FBXW4: variants seen among roughly 807,000 people sequenced by gnomAD.
The protein encoded by FBXW4 is F-box/WD repeat-containing protein 4.
FBXW4 carries 40 observed loss-of-function variants against 61.8 expected under a neutral mutation model. The ratio of observed to expected loss-of-function variants is 0.65; its 90% CI spans 0.50 to 0.84. The LOEUF (loss-of-function observed/expected upper bound fraction) is 0.84, where lower values mean the gene tolerates loss of function less well. Ranked by LOEUF, FBXW4 falls within the 40% of genes least tolerant of loss-of-function variation. The pLI is 0.00. For synonymous variants in FBXW4, 311 were observed against 313.8 expected (o/e 0.99, Z 0.10); for missense variants, 672 against 753.8 (o/e 0.89, Z 1.27).
At chr10:101,693,100 G>C (rs1446417541) in intron 1 of FBXW4, among the ~76,000 whole-genome samples, 1 of 152,278 alleles carries the variant, frequency 6.6e-6, no homozygotes, top group Non-Finnish European at 1.5e-5. Context: ...AGTGGTAAAA[G>C]AGATGCAAAA....
intron 1 of FBXW4, among the ~76,000 whole-genome samples, chr10:101,682,502 A>G (rs2064488930): frequency 6.6e-6 from 1 of 152,238 alleles, no homozygotes; most frequent in African/African-American, 2.4e-5. Context: ...TTACAGTTAT[A>G]TCTCTTCTCT....
intron 5 of FBXW4, among the ~76,000 whole-genome samples, chr10:101,632,182 C>G (rs541189221): frequency 6.6e-6 from 1 of 152,164 alleles, no homozygotes; most frequent in East Asian, 1.9e-4. Flanking sequence ...TGGGACACCT[C>G]TCCCAGTACA....
chr10:101,640,632 C>A (rs1283034972), intron 5 of FBXW4, among the ~76,000 whole-genome samples: 1 of 150,192 alleles, frequency 6.7e-6, no homozygotes, highest in Non-Finnish European at 1.5e-5. Context: ...GATGGGATTA[C>A]AGGCATGTGC....
intron 5 of FBXW4, among the ~76,000 whole-genome samples, chr10:101,661,721 A>AG (rs1375325274): frequency 1.3e-5 from 2 of 152,258 alleles, no homozygotes; most frequent in East Asian, 3.9e-4. Context: ...AGTTTCGCAA[A>AG]GGGGGACACC....
At chr10:101,621,319 G>A (rs770924022) in intron 6 of FBXW4, among the ~76,000 whole-genome samples, 4 of 152,222 alleles carry the variant, frequency 2.6e-5, no homozygotes, top group Non-Finnish European at 5.9e-5. Flanking sequence ...TTGAGCCAAC[G>A]AGTTCGAGAC....
intron 5 of FBXW4, among the ~76,000 whole-genome samples, chr10:101,661,065 C>G (rs1435785012): frequency 6.6e-6 from 1 of 152,190 alleles, no homozygotes; most frequent in Non-Finnish European, 1.5e-5. Flanking sequence ...AATTTAAACA[C>G]TAGACTGAGG....
chr10:101,650,093 C>T (rs1487061695), intron 5 of FBXW4, among the ~76,000 whole-genome samples: 1 of 152,124 alleles, frequency 6.6e-6, no homozygotes, highest in Admixed American at 6.5e-5. Flanking sequence ...GATAAGGTAC[C>T]CACCCAGAAC....
chr10:101,646,010 G>A (rs1324284979), intron 5 of FBXW4, among the ~76,000 whole-genome samples: 1 of 152,148 alleles, frequency 6.6e-6, no homozygotes, highest in African/African-American at 2.4e-5. Flanking sequence ...AAGGTATAAA[G>A]TGGTCAGCAT....
intron 5 of FBXW4, among the ~76,000 whole-genome samples, chr10:101,638,805 C>G (rs2064026000): frequency 6.6e-6 from 1 of 152,174 alleles, no homozygotes; most frequent in African/African-American, 2.4e-5. Flanking sequence ...ACCTCGATGG[C>G]TTTCTGAGTG....
intron 5 of FBXW4, among the ~76,000 whole-genome samples, chr10:101,638,617 T>C (rs1482534325): frequency 6.6e-6 from 1 of 152,222 alleles, no homozygotes; most frequent in Non-Finnish European, 1.5e-5. Flanking sequence ...GTATCACTTA[T>C]GTATAAAACA....
At chr10:101,636,471 T>C (rs535513249) in intron 5 of FBXW4, among the ~76,000 whole-genome samples, 4 of 151,968 alleles carry the variant, frequency 2.6e-5, no homozygotes, top group Non-Finnish European at 4.4e-5. Context: ...TAGTATTTAA[T>C]GTGTGCCCAA....
rs188983659 is a variant in FBXW4, at chr10:101,622,696, C to T, written c.1301+2049G>A. Among the ~76,000 whole-genome samples the T allele has an allele frequency of 4.8e-3, 676 of 140,946 alleles. 3 individuals carry two copies. The highest frequency in any genetic ancestry group is 9.2e-3 in the Middle Eastern group (2 of 218). 92.5% of individuals were successfully genotyped at this position (140,946 alleles called of 152,430 possible). ...TGAGCTGAGATCACGCCACTGCACT[C>T]CAGCCTGGGCGACATAGTGAGACTT... On this transcript the variant is annotated intron_variant, in intron 6 of 8. Transcript: ENST00000331272.
intron 5 of FBXW4, among the ~76,000 whole-genome samples, chr10:101,631,637 T>C (rs1286082715): frequency 6.6e-6 from 1 of 151,602 alleles, no homozygotes; most frequent in Non-Finnish European, 1.5e-5. Context: ...TACTTTTTTT[T>C]TTTTTTTTGA....
rs960716747 is a variant in FBXW4, at chr10:101,644,269, C to T, written c.1236-19459G>A. Among the ~76,000 whole-genome samples the T allele has an allele frequency of 2.0e-5, 3 of 152,158 alleles. No individual in the cohort carries two copies. In the East Asian group the frequency reaches 5.8e-4, roughly 29 times the overall value. ...CAAAAGAGGACTCTGAATTGGGCCC[C>T]GTGGTGAGCCAGAGCAGGACTGGTG... is the stretch of plus-strand genomic sequence containing the variant. On this transcript the variant is annotated intron_variant, in intron 5 of 8. Coordinates refer to ENST00000331272, the MANE Select transcript of FBXW4 (RefSeq NM_022039.4).
At chr10:101,643,755 T>G (rs2064073333) in intron 5 of FBXW4, among the ~76,000 whole-genome samples, 1 of 152,160 alleles carries the variant, frequency 6.6e-6, no homozygotes, top group South Asian at 2.1e-4. Flanking sequence ...CCACGGTAAG[T>G]GCTTTCAGGC....
chr10:101,677,986 G>A (rs1416050347), intron 1 of FBXW4, among the ~76,000 whole-genome samples: 4 of 152,116 alleles, frequency 2.6e-5, no homozygotes, highest in Non-Finnish European at 4.4e-5. Flanking sequence ...TAAAATGCAT[G>A]ATAAAGCAAA....
chr10:101,668,790 C>G (rs965090520), intron 4 of FBXW4, among the ~76,000 whole-genome samples: 3 of 152,144 alleles, frequency 2.0e-5, no homozygotes, highest in Admixed American at 6.5e-5. Flanking sequence ...GGGCTCCCCC[C>G]TCACTTCACC....
At chr10:101,625,506 A>G (rs1315458553) in intron 5 of FBXW4, 2 of 152,286 alleles carry the variant, frequency 1.3e-5, no homozygotes, top group African/African-American at 4.8e-5. Flanking sequence ...GGCACACGAG[A>G]AGGAGCAGGC....
At chr10:101,674,370 A>G (rs1405527490) in intron 2 of FBXW4, among the ~76,000 whole-genome samples, 2 of 152,156 alleles carry the variant, frequency 1.3e-5, no homozygotes, top group East Asian at 1.9e-4. Flanking sequence ...GCCAAGTGAA[A>G]TAACTTTCTT....
Sources: allele counts gnomAD v4.1 joint callset (sites outside exome capture counted in the v4.1 genomes callset), GRCh38; gene constraint gnomAD v4.1.1; transcripts MANE v1.5; gene names NCBI Gene and HGNC (gene_info 2026-07-23, HGNC 2026-07-21).